The following CPLANE1 variants were observed in gnomAD, a reference collection of about 807,000 sequenced individuals.
CPLANE1 encodes the protein ciliogenesis and planar polarity effector complex subunit 1, also known as ciliogenesis and planar polarity effector 1.
A neutral mutation model predicts 362.5 loss-of-function variants in CPLANE1; 263 were observed. The observed-to-expected ratio is 0.73, with a 90% CI of 0.66 to 0.80. The LOEUF (loss-of-function observed/expected upper bound fraction) is 0.80. CPLANE1 is among the 30% of genes least tolerant of loss of function. CPLANE1 has a pLI of 0.00. For synonymous variants in CPLANE1, 1,212 were observed against 1,302.6 expected (o/e 0.93, Z 1.50); for missense variants, 3,461 against 3,793.4 (o/e 0.91, Z 2.30).
intron 44 of CPLANE1, chr5:37,140,255 A>C (rs1465835396): frequency 4.3e-6 from 4 of 938,330 alleles, no homozygotes; most frequent in South Asian, 4.9e-5. Flanking sequence ...ATATTCCTTA[A>C]GATTTTATTA....
chr5:37,249,075 C>G (rs998893219), intron 1 of CPLANE1, among the ~76,000 whole-genome samples, 170 bp downstream of exon 1: 1 of 152,208 alleles, frequency 6.6e-6, no homozygotes, highest in African/African-American at 2.4e-5. Flanking sequence ...CGGGCCCGGA[C>G]TGGGTAGTGG....
intron 52 of CPLANE1, 106 bp from the exon 53 acceptor site, chr5:37,107,884 T>C: frequency 3.5e-6 from 5 of 1,440,180 alleles, no homozygotes; most frequent in Non-Finnish European, 4.6e-6. Context: ...AATTCTAGAG[T>C]TGCTCATCCA....
At chr5:37,180,419 C>G (rs1290091432) in intron 27 of CPLANE1, among the ~76,000 whole-genome samples, 1 of 152,002 alleles carries the variant, frequency 6.6e-6, no homozygotes, top group Non-Finnish European at 1.5e-5. Flanking sequence ...AAAGATTGTT[C>G]AGTAAATAAC....
intron 32 of CPLANE1, among the ~76,000 whole-genome samples, chr5:37,171,845 G>A (rs1779900894): frequency 6.6e-6 from 1 of 151,476 alleles, no homozygotes. Context: ...GGAGTGCAGT[G>A]GACTGATCAT....
intron 46 of CPLANE1, chr5:37,130,532 T>G (rs1765468159): frequency 4.7e-6 from 1 of 213,700 alleles, no homozygotes; most frequent in African/African-American, 2.3e-5. Context: ...CAGTTACTAC[T>G]CATCTTAAAA....
chr5:37,115,354 G>T (rs1760625238), intron 50 of CPLANE1, among the ~76,000 whole-genome samples: 1 of 152,120 alleles, frequency 6.6e-6, no homozygotes, highest in Non-Finnish European at 1.5e-5. Flanking sequence ...GACATAATAA[G>T]CCTCTTAGCA....
chr5:37,182,801 G>T lies in CPLANE1; in HGVS notation c.5380C>A (p.Pro1794Thr), dbSNP rs1783035689. 1.2e-6 allele frequency: 2 copies of T among 1,613,276 alleles called. No homozygotes were observed. Among genetic ancestry groups the T allele is most frequent in the Admixed American group, 3.3e-5 (2 of 59,872 alleles). Residue 1794 changes from proline to threonine, a missense_variant, in exon 26 of 53, where the codon CCC becomes ACC. Coordinates refer to ENST00000651892, the MANE Select transcript of CPLANE1 (RefSeq NM_001384732.1). ...TTTGCCTTATATGTAGCAAAATAGG[G>T]TTGTTCCAAAAGCCATAATGATGTA... ...ILTSLWLLEQ[P>T]YFATYKAKNA...
At chr5:37,119,880 G>A (rs2150060509) in intron 50 of CPLANE1, among the ~76,000 whole-genome samples, 1 of 152,052 alleles carries the variant, frequency 6.6e-6, no homozygotes, top group East Asian at 1.9e-4. Context: ...CCAGGTACTT[G>A]GGAGGCTGAG....
chr5:37,139,610 G>A (rs991424793), intron 44 of CPLANE1: 12 of 726,268 alleles, frequency 1.7e-5, no homozygotes, highest in African/African-American at 3.8e-5. Context: ...TAAGTGCAGC[G>A]ACATGGTCAT....
chr5:37,092,938 G>A, the CPLANE1 span, among the ~76,000 whole-genome samples: 2 of 152,246 alleles, frequency 1.3e-5, no homozygotes, highest in African/African-American at 4.8e-5. Flanking sequence ...TTCACCTCAT[G>A]TATCATTAAT....
intron 19 of CPLANE1, among the ~76,000 whole-genome samples, chr5:37,200,003 G>A (rs1788675513): frequency 6.6e-6 from 1 of 152,290 alleles, no homozygotes; most frequent in East Asian, 1.9e-4. Context: ...CATGGACAAG[G>A]CATCCTTAGA....
chr5:37,208,800 A>AT (rs974268189), intron 16 of CPLANE1, among the ~76,000 whole-genome samples: 73 of 148,986 alleles, frequency 4.9e-4, no homozygotes, highest in African/African-American at 1.7e-3. Flanking sequence ...AATTCTCTCC[A>AT]TAACAGTTAT....
Position 37,226,724 on chromosome 5 carries a change from C to T in CPLANE1, c.1871G>A (p.Ser624Asn). The change falls in exon 12 of 53, where the codon AGC (serine) becomes AAC (asparagine). Residue 624 changes from serine to asparagine, a missense_variant. This residue lies in a region of CPLANE1 where 3,380 missense variants were observed against 3,666.1 expected (regional missense o/e 0.92). Transcript: ENST00000651892. ...CCATGCATTATGTCTTGAGCTTTTGCTTAAAACAAGATCAAGTTTAGGAAA... is the reference window on the plus strand; with the variant it reads ...CCATGCATTATGTCTTGAGCTTTTGTTTAAAACAAGATCAAGTTTAGGAAA... Reference protein sequence around the residue: ...CPFPKLDLVLSKSSRHNAWIL... With the variant: ...CPFPKLDLVLNKSSRHNAWIL... 1.3e-6 allele frequency: 2 copies of T among 1,544,930 alleles called. No homozygotes were observed. The highest frequency in any genetic ancestry group is 1.7e-6 in the Non-Finnish European group (2 of 1,144,186).
chr5:37,172,874 T>C (rs1490538677), intron 32 of CPLANE1, among the ~76,000 whole-genome samples: 1 of 152,092 alleles, frequency 6.6e-6, no homozygotes, highest in Non-Finnish European at 1.5e-5. Flanking sequence ...TAATCCCAGC[T>C]ACTCAGGAGG....
chr5:37,122,308 C>A, intron 48 of CPLANE1, 122 bp downstream of exon 48: 1 of 780,748 alleles, frequency 1.3e-6, no homozygotes, highest in East Asian at 2.7e-5. Flanking sequence ...TGATAACTCC[C>A]ATAATTCTCT....
At chr5:37,093,190 A>G in the CPLANE1 span, among the ~76,000 whole-genome samples, 1 of 152,206 alleles carries the variant, frequency 6.6e-6, no homozygotes, top group Non-Finnish European at 1.5e-5. Flanking sequence ...GAGTCAGTAT[A>G]AACAGCTGCC....
chr5:37,190,157 C>G (rs1785122162), intron 21 of CPLANE1, among the ~76,000 whole-genome samples: 1 of 151,830 alleles, frequency 6.6e-6, no homozygotes, highest in Non-Finnish European at 1.5e-5. Context: ...GTTTGAATAC[C>G]AAAAAGATGT....
chr5:37,150,104 A>G (rs1453294483), intron 42 of CPLANE1, among the ~76,000 whole-genome samples: 1 of 152,168 alleles, frequency 6.6e-6, no homozygotes, highest in Non-Finnish European at 1.5e-5. Flanking sequence ...TTCAGCAGGG[A>G]TAGAATGTAT....
intron 42 of CPLANE1, among the ~76,000 whole-genome samples, chr5:37,151,127 C>T (rs542125023): frequency 6.6e-6 from 1 of 152,310 alleles, no homozygotes. Context: ...CTCCCCTCTC[C>T]TACCTCTACT....
Sources: allele counts gnomAD v4.1 joint callset (sites outside exome capture counted in the v4.1 genomes callset), GRCh38; gene constraint gnomAD v4.1.1; regional missense constraint gnomAD v4.1.1; transcripts MANE v1.5; gene names NCBI Gene and HGNC (gene_info 2026-07-23, HGNC 2026-07-21).